ANK3: variants seen among roughly 807,000 people sequenced by gnomAD.
ANK3 encodes the protein ankyrin-3.
Under a neutral mutation model 370.9 loss-of-function variants are expected in ANK3, and 57 were observed. That is an observed-to-expected ratio of 0.15 (90% CI 0.12 to 0.19). The LOEUF (loss-of-function observed/expected upper bound fraction) is 0.19. Ranked by LOEUF, ANK3 falls within the 10% of genes least tolerant of loss-of-function variation. ANK3 has a pLI of 1.00. For synonymous variants in ANK3, 1,929 were observed against 1,946.3 expected (o/e 0.99, Z 0.23); for missense variants, 4,439 against 5,302.1 (o/e 0.84, Z 5.06).
chr10:60,658,872 G>A (rs2078900616), intron 1 of ANK3, among the ~76,000 whole-genome samples: 1 of 148,926 alleles, frequency 6.7e-6, no homozygotes, highest in African/African-American at 2.5e-5. Context: ...GTGAAGAGGT[G>A]AGAAAGAAAA....
At chr10:60,400,058 C>A (rs1230376324) in intron 2 of ANK3, among the ~76,000 whole-genome samples, 1 of 144,984 alleles carries the variant, frequency 6.9e-6, no homozygotes, top group Non-Finnish European at 1.5e-5. Flanking sequence ...GTGTGTGCAG[C>A]CATGGCACTA....
rs730882195 is a variant in ANK3 at position 60,114,271 on chromosome 10, C to G, written c.2902G>C (p.Asp968His). The change falls in exon 26 of 44, where the codon GAC (aspartate) becomes CAC (histidine). Residue 968 changes from aspartate (D) to histidine (H), a missense_variant. Around this residue, in one of 13 missense-constraint regions of ANK3, gnomAD observed 702 missense variants for 941.5 expected, o/e 0.75. Coordinates refer to ENST00000280772, the MANE Select transcript of ANK3 (RefSeq NM_020987.5). ...DSLRHYSWAA[D>H]TLDNVNLVSS... The stretch of plus-strand genomic sequence containing the variant: ...ACAAGATTGACATTGTCTAAGGTGT[C>G]TGCAGCCCAGCTGTAATGTCTAAGA... 2 of 1,609,814 alleles carry G rather than the reference C, an allele frequency of 1.2e-6. No homozygotes were observed. Among genetic ancestry groups the G allele is most frequent in the Non-Finnish European group, 8.5e-7 (1 of 1,178,278 alleles).
Position 60,172,312 on chromosome 10 carries a change from G to T in ANK3, c.2474C>A (p.Thr825Lys), listed in dbSNP as rs1348286704. The T allele has an allele frequency of 6.2e-7, 1 of 1,613,060 alleles. No individual in the cohort carries two copies. Among genetic ancestry groups the T allele is most frequent in the South Asian group, 1.1e-5 (1 of 90,970 alleles). Residue 825 changes from threonine to lysine, a missense_variant, in exon 21 of 44, where the codon ACA (threonine) becomes AAA (lysine). Thr to Lys is a moderately conservative substitution (Grantham distance 78, BLOSUM62 -1). This residue lies in a region of ANK3 where 702 missense variants were observed against 941.5 expected (regional missense o/e 0.75). Coordinates refer to ENST00000280772, the MANE Select transcript of ANK3 (RefSeq NM_020987.5). ...LKIVTEETMT[T>K]TTVTEKHKMN... ...GGTTCTGCATTCCTTACTTACAGTT[G>T]TGGTCATGGTCTCTTCGGTCACTAT...
intron 1 of ANK3, among the ~76,000 whole-genome samples, chr10:60,709,595 C>A (rs1300091772): frequency 6.6e-6 from 1 of 151,956 alleles, no homozygotes; most frequent in Non-Finnish European, 1.5e-5. Context: ...CAGTCTGAAG[C>A]AGGAGGATCC....
intron 2 of ANK3, among the ~76,000 whole-genome samples, chr10:60,568,910 A>C (rs1257581502): frequency 6.6e-6 from 1 of 152,228 alleles, no homozygotes; most frequent in East Asian, 1.9e-4. Flanking sequence ...CCATGTGAGC[A>C]CATAGCAAGA....
chr10:60,670,941 A>G (rs1427998819), intron 1 of ANK3, among the ~76,000 whole-genome samples: 1 of 152,172 alleles, frequency 6.6e-6, no homozygotes, highest in Non-Finnish European at 1.5e-5. Flanking sequence ...TAACAACTGA[A>G]GGTGTAGCAG....
At chr10:60,497,854 C>T (rs533460143) in intron 2 of ANK3, among the ~76,000 whole-genome samples, 4 of 152,174 alleles carry the variant, frequency 2.6e-5, no homozygotes, top group Admixed American at 1.3e-4. Flanking sequence ...CGCACACTCA[C>T]AAACAAAATA....
At chr10:60,247,244 C>T (rs2097569918) in intron 7 of ANK3, among the ~76,000 whole-genome samples, 1 of 152,086 alleles carries the variant, frequency 6.6e-6, no homozygotes, top group Admixed American at 6.5e-5. Context: ...GTCTCGATCT[C>T]CTGACCTTGT....
intron 1 of ANK3, among the ~76,000 whole-genome samples, chr10:60,622,923 G>C (rs1034518460): frequency 1.3e-5 from 2 of 152,170 alleles, no homozygotes; most frequent in Admixed American, 1.3e-4. Context: ...CAATGCTAGT[G>C]TTTACGTGCT....
intron 2 of ANK3, among the ~76,000 whole-genome samples, chr10:60,533,985 T>C (rs1034134053): frequency 1.3e-5 from 2 of 152,144 alleles, no homozygotes; most frequent in African/African-American, 4.8e-5. Context: ...TTTCCTCTGC[T>C]TCTTCTTCCT....
In ANK3 at chr10:60,083,635, A is replaced by G; in HGVS notation, c.4075-18T>C. On this transcript the variant is annotated intron_variant, in intron 32 of 43. Coordinates refer to ENST00000280772, the MANE Select transcript of ANK3 (RefSeq NM_020987.5). ...TCCAGAACCTTTTAGAGTAAAAGAA[A>G]TAAACAATTTAATGTTAATCTGAGT... The G allele has an allele frequency of 6.4e-7, 1 of 1,555,122 alleles. No individual in the cohort carries two copies.
At chr10:60,687,316 A>G (rs988080985) in intron 1 of ANK3, among the ~76,000 whole-genome samples, 6 of 152,218 alleles carry the variant, frequency 3.9e-5, no homozygotes, top group Non-Finnish European at 5.9e-5. Context: ...TCCAAAATAT[A>G]TAAGAAGCTC....
At chr10:60,333,806 CTGT>C (rs1447712756) in intron 1 of ANK3, among the ~76,000 whole-genome samples, 1 of 152,188 alleles carries the variant, frequency 6.6e-6, no homozygotes, top group Non-Finnish European at 1.5e-5. Context: ...TCTCCAGCAT[CTGT>C]TGTTTCCTGA....
At chr10:60,110,766 CA>C (rs2092649404) in intron 26 of ANK3, among the ~76,000 whole-genome samples, 1 of 152,114 alleles carries the variant, frequency 6.6e-6, no homozygotes, top group African/African-American at 2.4e-5. Context: ...GTTGTAACTA[CA>C]AAAATCAATT....
Position 60,196,522 on chromosome 10 carries a change from C to G in ANK3, c.1788+5G>C. 1.2e-6 allele frequency: 2 copies of G among 1,604,430 alleles called. No homozygotes were observed. The highest frequency in any genetic ancestry group is 1.7e-6 in the Non-Finnish European group (2 of 1,173,208). The stretch of plus-strand genomic sequence containing the variant: ...CCTGCTTCAGGGTGGCTGGTGACCT[C>G]TTACCTTCCCAGCAGCATCTGGAGA... On this transcript the variant is annotated splice_donor_5th_base_variant and intron_variant, in intron 15 of 43. Transcript: ENST00000280772.
chr10:60,390,766 A>AC (rs1491328614), upstream of ANK3, among the ~76,000 whole-genome samples: 3,772 of 30,424 alleles, frequency 0.12, 91 homozygotes, highest in East Asian at 0.16. Flanking sequence ...ACACACACAC[A>AC]AACAACAATT....
chr10:60,443,395 T>C (rs1461923201), intron 2 of ANK3, among the ~76,000 whole-genome samples: 1 of 152,070 alleles, frequency 6.6e-6, no homozygotes, highest in Non-Finnish European at 1.5e-5. Context: ...AGCTTCACTT[T>C]GTTTTTTCTG....
At chr10:60,667,262 C>T (rs2079010329) in intron 1 of ANK3, among the ~76,000 whole-genome samples, 1 of 148,994 alleles carries the variant, frequency 6.7e-6, no homozygotes, top group Non-Finnish European at 1.5e-5. Flanking sequence ...CACCCCATTC[C>T]AGAGATAAGC....
chr10:60,322,802 GA>G (rs35773164), intron 1 of ANK3, among the ~76,000 whole-genome samples: 32 of 151,666 alleles, frequency 2.1e-4, no homozygotes, highest in Non-Finnish European at 2.9e-4. Context: ...CTATGGGGGG[GA>G]AAAAAAATCT....
Sources: allele counts gnomAD v4.1 joint callset (sites outside exome capture counted in the v4.1 genomes callset), GRCh38; gene constraint gnomAD v4.1.1; regional missense constraint gnomAD v4.1.1; transcripts MANE v1.5; gene names NCBI Gene and HGNC (gene_info 2026-07-23, HGNC 2026-07-21).